The following ZNF624 variants were observed in gnomAD, a reference collection of about 807,000 sequenced individuals.
ZNF624 encodes zinc finger protein 624.
ZNF624 carries 43 observed loss-of-function variants against 74.7 expected under a neutral mutation model. The observed-to-expected ratio is 0.58, with a 90% CI of 0.45 to 0.74. The LOEUF is 0.74. Among genes scored for constraint, ZNF624 ranks in the 30% least tolerant of loss-of-function variants. ZNF624 has a pLI of 0.00. For synonymous variants in ZNF624, 331 were observed against 341.3 expected (o/e 0.97, Z 0.33); for missense variants, 820 against 1,030.0 (o/e 0.80, Z 2.79).
chr17:16,614,692 A>G, the ZNF624 span, among the ~76,000 whole-genome samples: 2 of 152,236 alleles, frequency 1.3e-5, no homozygotes, highest in African/African-American at 4.8e-5. Context: ...GGGAATCCTC[A>G]ACTCATGTTA....
intron 3 of ZNF624, among the ~76,000 whole-genome samples, chr17:16,642,697 G>A (rs1246759274): frequency 6.6e-6 from 1 of 152,120 alleles, no homozygotes; most frequent in African/African-American, 2.4e-5. Context: ...AAACTTCTGT[G>A]CTTCAAAGGA....
rs753557655 is a variant in ZNF624, at chr17:16,622,919, A to G, written c.1967T>C (p.Ile656Thr). ...GKSFRTKSYL[I>T]VHQRTHTGEK... ...TCCAGTATGGGTCCTCTGATGTACA[A>G]TAAGGTATGATTTAGTCCTAAAGGA... The change falls in exon 6 of 6, where the codon ATT becomes ACT. Residue 656 changes from isoleucine (I) to threonine (T), a missense_variant. Transcript: ENST00000311331. 1.2e-5 allele frequency: 19 copies of G among 1,613,904 alleles called. No individual in the cohort carries two copies. Among genetic ancestry groups the G allele is most frequent in the Non-Finnish European group, 1.6e-5 (19 of 1,179,966 alleles).
At chr17:16,652,312 G>A (rs1909745055) in intron 1 of ZNF624, among the ~76,000 whole-genome samples, 2 of 152,000 alleles carry the variant, frequency 1.3e-5, no homozygotes, top group African/African-American at 2.4e-5. Flanking sequence ...GAAAAAAAAT[G>A]AGCCAAGAAT....
In ZNF624 at chr17:16,622,246, C is replaced by T. The variant is rs542784931; in HGVS notation, c.*42G>A. The T allele has an allele frequency of 7.1e-7, 1 of 1,408,762 alleles. No individual in the cohort carries two copies. The highest frequency in any genetic ancestry group is 9.5e-7 in the Non-Finnish European group (1 of 1,053,020). The allele number at this position is 1,408,762 out of a possible 1,614,324, so 87.3% of individuals were successfully genotyped here. On this transcript the variant is annotated 3_prime_UTR_variant, in exon 6 of 6. Transcript: ENST00000311331. Reference sequence around the variant, plus strand: ...TTCATAAAATATAGTTTATAAGATTCATCTTGTGGAGTTGACATCTAGGTG... The same window carrying T: ...TTCATAAAATATAGTTTATAAGATTTATCTTGTGGAGTTGACATCTAGGTG...
At chr17:16,634,078 C>T (rs1229706223) in intron 4 of ZNF624, 121 bp from the exon 5 acceptor site, 6 of 605,762 alleles carry the variant, frequency 9.9e-6, no homozygotes, top group Non-Finnish European at 1.7e-5. Flanking sequence ...TAGAGCTGCA[C>T]TGTCTGATAC....
intron 3 of ZNF624, among the ~76,000 whole-genome samples, chr17:16,640,643 A>T (rs1365590920): frequency 2.0e-5 from 3 of 152,214 alleles, no homozygotes; most frequent in African/African-American, 7.2e-5. Context: ...ATGCGAACTT[A>T]GATGAAATGG....
At chr17:16,652,578 A>T (rs1017767995) in intron 1 of ZNF624, among the ~76,000 whole-genome samples, 1 of 152,242 alleles carries the variant, frequency 6.6e-6, no homozygotes, top group African/African-American at 2.4e-5. Context: ...TTATTTTATA[A>T]TTAGAATAAA....
chr17:16,617,983 C>T (rs999897142), downstream of ZNF624: 1 of 689,378 alleles, frequency 1.5e-6, no homozygotes, highest in African/African-American at 1.8e-5. Flanking sequence ...GAACACGCGC[C>T]TCACACCATA....
chr17:16,615,661 A>C, the ZNF624 span, among the ~76,000 whole-genome samples: 3 of 152,186 alleles, frequency 2.0e-5, no homozygotes, highest in Admixed American at 6.5e-5. Context: ...TTTGAGTGAT[A>C]GAGACTATCT....
intron 3 of ZNF624, among the ~76,000 whole-genome samples, chr17:16,640,908 C>A (rs1909451562): frequency 6.6e-6 from 1 of 152,176 alleles, no homozygotes. Flanking sequence ...AAGAACACCA[C>A]AGACCAGCAT....
At chr17:16,644,097 GTC>G (rs980582594) in intron 3 of ZNF624, among the ~76,000 whole-genome samples, 33 of 152,226 alleles carry the variant, frequency 2.2e-4, no homozygotes, top group Middle Eastern at 3.4e-3. Context: ...TATACACACT[GTC>G]TCTCTTTCCT....
chr17:16,622,294 T>A lies in ZNF624; in HGVS notation c.2592A>T (p.Leu864Phe). ...HQRIHQRETQ[L>F]I ...GTGAATGACTTATTGTTCTTTATAT[T>A]AACTGAGTTTCTCTTTGATGTATTC... The change falls in exon 6 of 6, where the codon TTA becomes TTT. Residue 864 changes from leucine (L) to phenylalanine (F), a missense_variant. Physicochemically the swap from Leu to Phe is conservative, Grantham distance 22. Transcript: ENST00000311331. The A allele has an allele frequency of 6.4e-7, 1 of 1,554,478 alleles. No homozygotes were observed. Among genetic ancestry groups the A allele is most frequent in the Non-Finnish European group, 8.7e-7 (1 of 1,155,198 alleles).
intron 5 of ZNF624, among the ~76,000 whole-genome samples, chr17:16,630,725 A>G (rs1377456593): frequency 6.6e-6 from 1 of 152,218 alleles, no homozygotes; most frequent in African/African-American, 2.4e-5. Context: ...TTTTAAGGCA[A>G]AAACTTTTAA....
chr17:16,638,845 T>A (rs1283729063), intron 3 of ZNF624, among the ~76,000 whole-genome samples: 1 of 152,000 alleles, frequency 6.6e-6, no homozygotes. Context: ...ACCCTAAAAC[T>A]TAAAGTATAA....
chr17:16,627,257 T>C (rs1025962635), intron 5 of ZNF624, among the ~76,000 whole-genome samples: 1 of 152,176 alleles, frequency 6.6e-6, no homozygotes, highest in Non-Finnish European at 1.5e-5. Context: ...TTAGAAATTT[T>C]CTTCAATAAA....
chr17:16,616,839 A>G (rs945554020), downstream of ZNF624: 10 of 1,124,368 alleles, frequency 8.9e-6, no homozygotes, highest in African/African-American at 1.3e-4. Flanking sequence ...ACAACAAGAG[A>G]GTTCTGAGTT....
rs1908982830 is a variant in ZNF624 at position 16,623,542 on chromosome 17, C to T, written c.1344G>A (p.Glu448=). ...TGGTATTCTTAAAAGACTTCCCACA[C>T]TCGTTGCACTGATATGGTTTCTCTT... ...HTEEKPYQCN[E]CGKSFKNTTI... is the part of the protein sequence containing the mutation. Residue 448 remains glutamate, a synonymous_variant, in exon 6 of 6, where the codon GAG becomes GAA. Coordinates refer to ENST00000311331, the MANE Select transcript of ZNF624 (RefSeq NM_020787.4). This position sits in a 1 kb window ranked among gnomAD's most constrained non-coding sequence, Gnocchi z 5.3. 1.2e-6 allele frequency: 2 copies of T among 1,610,232 alleles called. No individual in the cohort carries two copies. The highest frequency in any genetic ancestry group is 1.7e-6 in the Non-Finnish European group (2 of 1,178,682).
At chr17:16,625,999 G>A (rs911480330) in intron 5 of ZNF624, among the ~76,000 whole-genome samples, 2 of 151,544 alleles carry the variant, frequency 1.3e-5, no homozygotes, top group African/African-American at 4.9e-5. Context: ...GCTCAGGCTG[G>A]AGTACAGTGG....
intron 3 of ZNF624, among the ~76,000 whole-genome samples, chr17:16,635,650 GT>G (rs1909311214): frequency 6.6e-6 from 1 of 152,026 alleles, no homozygotes; most frequent in Admixed American, 6.5e-5. Context: ...AAACCACAAT[GT>G]TTTCAGTAAA....
Sources: gnomAD v4.1 joint callset for allele counts (sites outside exome capture counted in the v4.1 genomes callset) on GRCh38, gnomAD v4.1.1 for gene constraint, Gnocchi (gnomAD v3.1) non-coding constraint, MANE v1.5 for transcripts, NCBI Gene and HGNC (gene_info 2026-07-23, HGNC 2026-07-21) for gene names.